The following TRAPPC9 variants were observed in gnomAD, a reference collection of about 807,000 sequenced individuals.
The protein encoded by TRAPPC9 is trafficking protein particle complex subunit 9.
Under a neutral mutation model 124.0 loss-of-function variants are expected in TRAPPC9, and 83 were observed. That is an observed-to-expected ratio of 0.67 (90% CI 0.56 to 0.80). The LOEUF is 0.80. TRAPPC9 is among the 30% of genes least tolerant of loss of function. The pLI is 0.00. For synonymous variants in TRAPPC9, 638 were observed against 617.5 expected, an observed-to-expected ratio of 1.03 and a Z score of -0.49; for missense variants, 1,302 against 1,508.3, an observed-to-expected ratio of 0.86 and a Z score of 2.27.
In TRAPPC9 at chr8:140,451,655, G is replaced by C. The variant is rs78155109; in HGVS notation, c.-10-272C>G. Among the ~76,000 whole-genome samples, 1,272 of 152,274 alleles carry C rather than the reference G, an allele frequency of 8.4e-3. 24 individuals are homozygous for C. The highest frequency in any genetic ancestry group is 0.029 in the African/African-American group (1,198 of 41,562). ...CTTTCTATTCTCACCACCTAACCAG[G>C]AGTAGTAAGAGTCAGTGCTCAAAAA... On this transcript the variant is annotated intron_variant, in intron 1 of 22. Coordinates refer to ENST00000438773, the MANE Select transcript of TRAPPC9 (RefSeq NM_001160372.4).
intron 7 of TRAPPC9, among the ~76,000 whole-genome samples, chr8:140,380,768 G>T (rs761913958): frequency 6.7e-6 from 1 of 149,312 alleles, no homozygotes; most frequent in Non-Finnish European, 1.5e-5. Context: ...ACCCTATAAA[G>T]TTCCTAAAAG....
intron 21 of TRAPPC9, among the ~76,000 whole-genome samples, chr8:139,880,655 A>C (rs1414917883): frequency 2.0e-5 from 3 of 152,350 alleles, no homozygotes; most frequent in African/African-American, 7.2e-5. Context: ...AAACATCTCA[A>C]GATCCCTAAA....
chr8:139,874,460 G>T (rs1829192533), intron 21 of TRAPPC9, among the ~76,000 whole-genome samples: 1 of 152,238 alleles, frequency 6.6e-6, no homozygotes, highest in South Asian at 2.1e-4. Flanking sequence ...CATGCTGGGG[G>T]TGGGGAAACG....
At chr8:140,212,305 A>C (rs2063078906) in intron 17 of TRAPPC9, among the ~76,000 whole-genome samples, 1 of 152,204 alleles carries the variant, frequency 6.6e-6, no homozygotes, top group East Asian at 1.9e-4. Context: ...TTCTAAATAG[A>C]TGCTGGGTTT....
At chr8:139,948,253 ACACACACACAC>A in intron 19 of TRAPPC9, among the ~76,000 whole-genome samples, 1 of 8,020 alleles carries the variant, frequency 1.2e-4, no homozygotes, top group Non-Finnish European at 4.2e-4. Context: ...CATAAAACAC[ACACACACACAC>A]ACACACACAC....
intron 7 of TRAPPC9, among the ~76,000 whole-genome samples, chr8:140,396,423 G>A (rs2069098580): frequency 6.6e-6 from 1 of 152,064 alleles, no homozygotes; most frequent in South Asian, 2.1e-4. Context: ...TTACAGGCGT[G>A]AGCCACTGCG....
intron 17 of TRAPPC9, among the ~76,000 whole-genome samples, chr8:140,146,824 G>A (rs2061470074): frequency 6.7e-6 from 1 of 149,714 alleles, no homozygotes; most frequent in Admixed American, 6.6e-5. Flanking sequence ...CTATAACCTT[G>A]GGCAAGTTAC....
chr8:140,025,564 G>GT (rs1840090181), intron 17 of TRAPPC9, among the ~76,000 whole-genome samples: 25 of 38,642 alleles, frequency 6.5e-4, no homozygotes, highest in African/African-American at 4.2e-3. Context: ...TAAGCAAAAT[G>GT]CAAAAAAAAA....
In TRAPPC9 at chr8:140,221,450, C is replaced by G; in HGVS notation, c.2556+9G>C. ...CACGTGGCAGATGCCGTCTGCCATA[C>G]CAACTCACCTTCACGTGGCTGTAGT... On this transcript the variant is annotated intron_variant, in intron 17 of 22. Transcript: ENST00000438773. The G allele has an allele frequency of 6.2e-7, 1 of 1,614,022 alleles. No homozygotes were observed.
chr8:140,271,933 A>G (rs548003613), intron 15 of TRAPPC9, among the ~76,000 whole-genome samples: 1 of 151,544 alleles, frequency 6.6e-6, no homozygotes, highest in East Asian at 2.0e-4. Context: ...TGATGGTGGT[A>G]GTGGTAGCAG....
chr8:139,776,488 A>G lies in TRAPPC9; in HGVS notation c.3056-44286T>C, dbSNP rs966945278. Reference sequence around the variant, plus strand: ...CGTCGCTTGTTTACACAGGTGATGCATCTCAACCCATTCGGCAAACGGGAG... The same window carrying G: ...CGTCGCTTGTTTACACAGGTGATGCGTCTCAACCCATTCGGCAAACGGGAG... On this transcript the variant is annotated intron_variant, in intron 21 of 22. Transcript: ENST00000438773. This position sits in a 1 kb window ranked among gnomAD's most constrained non-coding sequence, Gnocchi z 4.1. Among the ~76,000 whole-genome samples, 4 of 152,202 alleles carry G rather than the reference A, an allele frequency of 2.6e-5. No individual in the cohort carries two copies. The highest frequency in any genetic ancestry group is 9.6e-5 in the African/African-American group (4 of 41,460).
chr8:139,896,531 C>T (rs1164297069), intron 20 of TRAPPC9, among the ~76,000 whole-genome samples: 2 of 152,156 alleles, frequency 1.3e-5, no homozygotes, highest in African/African-American at 2.4e-5. Flanking sequence ...AAAACTGAGG[C>T]TCATGGAAAG....
chr8:140,330,830 A>C (rs116115531), intron 9 of TRAPPC9, among the ~76,000 whole-genome samples: 189 of 152,266 alleles, frequency 1.2e-3, no homozygotes, highest in African/African-American at 4.2e-3. Flanking sequence ...TTAAGTTCAA[A>C]CTTTCTGCTT....
intron 17 of TRAPPC9, among the ~76,000 whole-genome samples, chr8:140,204,254 A>G (rs977326295): frequency 6.6e-6 from 1 of 152,108 alleles, no homozygotes; most frequent in Non-Finnish European, 1.5e-5. Flanking sequence ...CTGGATTAAG[A>G]AAATGTGGCA....
chr8:139,799,113 G>A (rs558176655), intron 21 of TRAPPC9, among the ~76,000 whole-genome samples: 3 of 152,298 alleles, frequency 2.0e-5, no homozygotes, highest in East Asian at 3.9e-4. Context: ...TGTTGAGTTT[G>A]TAATCCCTAA....
At chr8:140,324,013 T>C (rs2066671179) in intron 9 of TRAPPC9, among the ~76,000 whole-genome samples, 1 of 152,210 alleles carries the variant, frequency 6.6e-6, no homozygotes, top group South Asian at 2.1e-4. Flanking sequence ...ATATACGCTG[T>C]ACCCAATTTG....
At chr8:140,251,987 A>T (rs935396258) in intron 16 of TRAPPC9, among the ~76,000 whole-genome samples, 8 of 152,130 alleles carry the variant, frequency 5.3e-5, no homozygotes, top group African/African-American at 1.7e-4. Context: ...CACTGCCTCC[A>T]AATGAATGCT....
intron 18 of TRAPPC9, among the ~76,000 whole-genome samples, chr8:140,004,655 T>C (rs1029968948): frequency 1.3e-5 from 2 of 152,206 alleles, no homozygotes; most frequent in African/African-American, 4.8e-5. Context: ...GCTTGGTTGC[T>C]GTCAGTGGAG....
intron 21 of TRAPPC9, among the ~76,000 whole-genome samples, chr8:139,737,588 C>T (rs538775317): frequency 1.3e-5 from 2 of 151,936 alleles, no homozygotes; most frequent in South Asian, 4.1e-4. Flanking sequence ...TCCTGGTCCA[C>T]CAAATGAGCC....
Sources: allele counts gnomAD v4.1 joint callset (sites outside exome capture counted in the v4.1 genomes callset), GRCh38; gene constraint gnomAD v4.1.1; non-coding constraint Gnocchi (gnomAD v3.1); transcripts MANE v1.5; gene names NCBI Gene and HGNC (gene_info 2026-07-23, HGNC 2026-07-21).